The following PALS2 variants were observed in gnomAD, a reference collection of about 807,000 sequenced individuals.
PALS2 encodes protein associated with LIN7 2, MAGUK p55 family member.
PALS2 carries 27 observed loss-of-function variants against 61.6 expected under a neutral mutation model. The observed-to-expected ratio is 0.44, with a 90% CI of 0.32 to 0.60. The LOEUF (loss-of-function observed/expected upper bound fraction) is 0.60. Ranked by LOEUF, PALS2 falls within the 20% of genes least tolerant of loss-of-function variation. The pLI, the probability that PALS2 is intolerant of heterozygous loss-of-function variation, is 0.05. For synonymous variants in PALS2, 236 were observed against 218.6 expected (o/e 1.08, Z -0.70); for missense variants, 554 against 639.4 (o/e 0.87, Z 1.44).
intron 2 of PALS2, among the ~76,000 whole-genome samples, chr7:24,627,851 A>G (rs996154101): frequency 1.3e-5 from 2 of 152,228 alleles, no homozygotes; most frequent in Non-Finnish European, 2.9e-5. Flanking sequence ...TAGACCACTA[A>G]CAAGTTCTGA....
chr7:24,655,201 A>G lies in PALS2; in HGVS notation c.651+4489A>G, dbSNP rs115827990. Among the ~76,000 whole-genome samples the G allele has an allele frequency of 5.2e-3, 792 of 152,346 alleles. 7 individuals are homozygous for G. Among genetic ancestry groups the G allele is most frequent in the African/African-American group, 0.017 (724 of 41,566 alleles). ...GTCTCTTAGAGTTAAATATTCACAT[A>G]TATCAAGCTGCAGTAATTCCCTAGA... On this transcript the variant is annotated intron_variant, in intron 5 of 11. Transcript: ENST00000222644.
chr7:24,672,812 G>T (rs1002459388), intron 9 of PALS2, among the ~76,000 whole-genome samples: 3 of 152,048 alleles, frequency 2.0e-5, no homozygotes, highest in Non-Finnish European at 4.4e-5. Context: ...GGTTCCTCAG[G>T]ATTTTCTATA....
intron 1 of PALS2, among the ~76,000 whole-genome samples, chr7:24,610,241 A>G (rs1784066722): frequency 2.6e-5 from 4 of 152,168 alleles, no homozygotes; most frequent in Non-Finnish European, 5.9e-5. Flanking sequence ...TAGGAGGGTA[A>G]GTAATTTACC....
Position 24,692,461 on chromosome 7 carries a change from G to C in PALS2, c.*4847G>C, listed in dbSNP as rs977425328. ...TCTGATGTGGTAGCTGTGATATGGT[G>C]AACTGAAAAATCCTTATTAGGCTAC... is the stretch of plus-strand genomic sequence containing the variant. On this transcript the variant is annotated 3_prime_UTR_variant, in exon 12 of 12. Transcript: ENST00000222644. 3 of 152,148 alleles carry C rather than the reference G, an allele frequency of 2.0e-5. No individual in the cohort carries two copies. Among genetic ancestry groups the C allele is most frequent in the African/African-American group, 7.2e-5 (3 of 41,448 alleles). 9.4% of individuals were successfully genotyped at this position (152,148 alleles called of 1,614,324 possible). A position where few individuals can be genotyped will look rare whatever the true frequency, so the allele number is the denominator to read the frequency against.
At chr7:24,670,291 T>G (rs1787231022) in intron 9 of PALS2, among the ~76,000 whole-genome samples, 1 of 152,138 alleles carries the variant, frequency 6.6e-6, no homozygotes, top group Admixed American at 6.5e-5. Flanking sequence ...TACAGTTTTT[T>G]GTTGTTTTTT....
intron 1 of PALS2, among the ~76,000 whole-genome samples, chr7:24,621,810 GATTT>G (rs1784533164): frequency 6.6e-6 from 1 of 151,966 alleles, no homozygotes; most frequent in African/African-American, 2.4e-5. Flanking sequence ...ATTTACTGTT[GATTT>G]ATTCTATGAG....
chr7:24,577,752 C>G (rs1291219028), intron 1 of PALS2, among the ~76,000 whole-genome samples: 1 of 152,108 alleles, frequency 6.6e-6, no homozygotes, highest in South Asian at 2.1e-4. Flanking sequence ...ATCATCTTTT[C>G]AGACAAGCAT....
At chr7:24,679,382 G>T in intron 10 of PALS2, 49 bp downstream of exon 10, 1 of 1,588,038 alleles carries the variant, frequency 6.3e-7, no homozygotes, top group South Asian at 1.1e-5. Flanking sequence ...TTTCTGTGGA[G>T]TTTTTTTCAT....
chr7:24,629,719 A>G (rs982748836), intron 2 of PALS2, among the ~76,000 whole-genome samples: 16 of 152,242 alleles, frequency 1.1e-4, no homozygotes, highest in African/African-American at 3.9e-4. Flanking sequence ...CAGCAGACAC[A>G]TGAAAAAATG....
At position 24,691,184 on chromosome 7, in the gene PALS2, T is replaced by C. The variant is rs1406273662; in HGVS notation, c.*3570T>C. 1 of 151,876 alleles carries C rather than the reference T, an allele frequency of 6.6e-6. No homozygotes were observed. The highest frequency in any genetic ancestry group is 1.5e-5 in the Non-Finnish European group (1 of 67,916). The allele number at this position is 151,876 out of a possible 1,614,324, so 9.4% of individuals were successfully genotyped here. ...AATTGGCAAACTAAAGATAACAATTTTGAAAATTGCTCAAAATAATAATCT... is the reference window on the plus strand; with the variant it reads ...AATTGGCAAACTAAAGATAACAATTCTGAAAATTGCTCAAAATAATAATCT... On this transcript the variant is annotated 3_prime_UTR_variant, in exon 12 of 12. Coordinates refer to ENST00000222644, the MANE Select transcript of PALS2 (RefSeq NM_001303037.2).
At chr7:24,594,473 C>T (rs1437732535) in intron 1 of PALS2, among the ~76,000 whole-genome samples, 3 of 152,092 alleles carry the variant, frequency 2.0e-5, no homozygotes, top group African/African-American at 4.8e-5. Context: ...TAAATGTAAT[C>T]ATTTCTAGCT....
In PALS2 at chr7:24,629,714, GAC is replaced by G. The variant is rs1028717655; in HGVS notation, c.117+5934_117+5935del. 1.2e-3 allele frequency among the ~76,000 whole-genome samples: 180 copies of G among 152,196 alleles called. 1 individual carries two copies. The highest frequency in any genetic ancestry group is 4.2e-3 in the African/African-American group (173 of 41,546). On this transcript the variant is annotated intron_variant, in intron 2 of 11. Coordinates refer to ENST00000222644, the MANE Select transcript of PALS2 (RefSeq NM_001303037.2). ...AAAGAAGACATTTATGCAGCCAGCA[GAC>G]ACATGAAAAAATGCTCATCATCACT...
chr7:24,676,712 T>C lies in PALS2; in HGVS notation c.1115-2419T>C, dbSNP rs1409787287. 2.0e-5 allele frequency among the ~76,000 whole-genome samples: 3 copies of C among 151,254 alleles called. No homozygotes were observed. In the East Asian group the frequency reaches 5.8e-4, roughly 29 times the overall value. On this transcript the variant is annotated intron_variant, in intron 9 of 11. Coordinates refer to ENST00000222644, the MANE Select transcript of PALS2 (RefSeq NM_001303037.2). ...GATACGCGGCGTTATTTCTGAGGGC[T>C]CTGTTCTGTTCCATTGATCTGTATC...
intron 2 of PALS2, among the ~76,000 whole-genome samples, chr7:24,630,183 T>C (rs1784936418): frequency 6.6e-6 from 1 of 152,162 alleles, no homozygotes; most frequent in South Asian, 2.1e-4. Flanking sequence ...TGCAGGGACA[T>C]TGATAGAGCT....
At chr7:24,685,918 A>G (rs1293184346) in intron 11 of PALS2, among the ~76,000 whole-genome samples, 1 of 152,138 alleles carries the variant, frequency 6.6e-6, no homozygotes, top group Admixed American at 6.5e-5. Context: ...TATGCTAATG[A>G]TTTATATACA....
intron 3 of PALS2, among the ~76,000 whole-genome samples, chr7:24,646,947 A>C (rs1158418497): frequency 1.3e-5 from 2 of 152,064 alleles, no homozygotes; most frequent in Non-Finnish European, 2.9e-5. Flanking sequence ...GGAAGTGTTC[A>C]TAGTAGTTTC....
chr7:24,583,562 GC>G (rs1782931659), intron 1 of PALS2, among the ~76,000 whole-genome samples: 1 of 150,568 alleles, frequency 6.6e-6, no homozygotes, highest in Admixed American at 6.6e-5. Context: ...AAGGTCCCCT[GC>G]CCCCAAATAA....
At chr7:24,614,184 G>A (rs977001216) in intron 1 of PALS2, among the ~76,000 whole-genome samples, 1 of 151,696 alleles carries the variant, frequency 6.6e-6, no homozygotes, top group African/African-American at 2.4e-5. Context: ...CATTGTGGCT[G>A]TACTAGTTTA....
chr7:24,650,434 A>C (rs1199899885), intron 4 of PALS2, 51 bp from the exon 5 acceptor site: 1 of 1,366,796 alleles, frequency 7.3e-7, no homozygotes, highest in African/African-American at 1.5e-5. Context: ...ATGAATATTT[A>C]AGCATTTCTC....
Sources: gnomAD v4.1 joint callset for allele counts (sites outside exome capture counted in the v4.1 genomes callset) on GRCh38, gnomAD v4.1.1 for gene constraint, MANE v1.5 for transcripts, NCBI Gene and HGNC (gene_info 2026-07-23, HGNC 2026-07-21) for gene names.